The following ATP8A2 variants were observed in gnomAD, a reference collection of about 807,000 sequenced individuals.
ATP8A2 encodes phospholipid-transporting ATPase IB.
Under a neutral mutation model 165.6 loss-of-function variants are expected in ATP8A2, and 100 were observed. That is an observed-to-expected ratio of 0.60 (90% CI 0.51 to 0.71). The LOEUF (loss-of-function observed/expected upper bound fraction) is 0.71, where lower values mean the gene tolerates loss of function less well. Ranked by LOEUF, ATP8A2 falls within the 30% of genes least tolerant of loss-of-function variation. The pLI is 0.00. For missense variants in ATP8A2, 1,227 were observed against 1,479.5 expected (o/e 0.83, Z 2.80); for synonymous variants, 543 against 548.8 (o/e 0.99, Z 0.15).
chr13:25,680,672 T>A (rs1328539309), intron 24 of ATP8A2, among the ~76,000 whole-genome samples: 1 of 152,164 alleles, frequency 6.6e-6, no homozygotes, highest in East Asian at 1.9e-4. Context: ...TCTGGAGTGT[T>A]CTGTAGCCTT....
At chr13:25,677,597 T>G (rs2042397640) in intron 24 of ATP8A2, among the ~76,000 whole-genome samples, 1 of 152,164 alleles carries the variant, frequency 6.6e-6, no homozygotes, top group African/African-American at 2.4e-5. Context: ...TGGGATAATG[T>G]GTGAACATGA....
intron 1 of ATP8A2, among the ~76,000 whole-genome samples, chr13:25,451,423 C>T (rs2035221967): frequency 6.6e-6 from 1 of 152,096 alleles, no homozygotes; most frequent in African/African-American, 2.4e-5. Flanking sequence ...CTTTTCTATC[C>T]TGCCTATTGT....
At chr13:25,942,075 T>C (rs1323272383) in intron 33 of ATP8A2, among the ~76,000 whole-genome samples, 1 of 152,216 alleles carries the variant, frequency 6.6e-6, no homozygotes, top group East Asian at 1.9e-4. Flanking sequence ...TATGTACTCT[T>C]CCTCAACACT....
At chr13:25,716,808 A>T (rs2043265053) in intron 25 of ATP8A2, among the ~76,000 whole-genome samples, 1 of 152,198 alleles carries the variant, frequency 6.6e-6, no homozygotes, top group Non-Finnish European at 1.5e-5. Flanking sequence ...GGCACTGAGG[A>T]TGAGGGATAC....
chr13:25,605,728 T>C (rs976937768), intron 24 of ATP8A2, among the ~76,000 whole-genome samples: 3 of 152,202 alleles, frequency 2.0e-5, no homozygotes, highest in Non-Finnish European at 2.9e-5. Context: ...CAGCTCGGTT[T>C]TAGAGAACTA....
rs117587352 is a variant in ATP8A2, at chr13:25,548,899, A to G, written c.892-2439A>G. Among the ~76,000 whole-genome samples the G allele has an allele frequency of 8.2e-3, 1,256 of 152,362 alleles. 7 individuals carry two copies. The highest frequency in any genetic ancestry group is 0.011 in the South Asian group (55 of 4,830). Reference sequence around the variant, plus strand: ...TTGGTTTGCCAATAGAATTCAAATAACAATTTCAGTGATGTGGTATAAATT... The same window carrying G: ...TTGGTTTGCCAATAGAATTCAAATAGCAATTTCAGTGATGTGGTATAAATT... On this transcript the variant is annotated intron_variant, in intron 10 of 36. Transcript: ENST00000381655.
chr13:25,456,515 A>G (rs1388631157), intron 1 of ATP8A2, among the ~76,000 whole-genome samples: 1 of 152,196 alleles, frequency 6.6e-6, no homozygotes, highest in Non-Finnish European at 1.5e-5. Flanking sequence ...CCCTATGCAT[A>G]GAGGAGGGGG....
At position 25,657,052 on chromosome 13, in the gene ATP8A2, CAAAAAAAAAAAAAAAA is replaced by C. The variant is rs57955107; in HGVS notation, c.2212-42107_2212-42092del. ...TGGGTGACAGATCGAGACTCTGTCT[CAAAAAAAAAAAAAAAA>C]AAAAAAAAAAAAAGACAGATAGTTT... On this transcript the variant is annotated intron_variant, in intron 24 of 36. Coordinates refer to ENST00000381655, the MANE Select transcript of ATP8A2 (RefSeq NM_016529.6). Among the ~76,000 whole-genome samples the C allele has an allele frequency of 8.3e-4, 56 of 67,732 alleles. 2 individuals carry two copies. In the South Asian group the frequency reaches 0.047, roughly 57 times the overall value. The allele number at this position is 67,732 out of a possible 152,430, so 44.4% of individuals were successfully genotyped here. A position where few individuals can be genotyped will look rare whatever the true frequency, so the allele number is the denominator to read the frequency against.
At chr13:25,691,571 A>G (rs2042726638) in intron 24 of ATP8A2, among the ~76,000 whole-genome samples, 1 of 152,240 alleles carries the variant, frequency 6.6e-6, no homozygotes, top group African/African-American at 2.4e-5. Context: ...CCAGACTGGC[A>G]CCTGGGTGCT....
intron 1 of ATP8A2, among the ~76,000 whole-genome samples, chr13:25,388,133 T>C (rs1413632336): frequency 1.3e-5 from 2 of 151,922 alleles, no homozygotes; most frequent in Non-Finnish European, 2.9e-5. Context: ...GGTTGAGATA[T>C]TGTTGTGTTA....
At chr13:25,987,880 G>T (rs1301642197) in intron 35 of ATP8A2, among the ~76,000 whole-genome samples, 1 of 152,176 alleles carries the variant, frequency 6.6e-6, no homozygotes, top group Non-Finnish European at 1.5e-5. Context: ...GGCCTCCCTT[G>T]AAAAATGGCT....
intron 24 of ATP8A2, among the ~76,000 whole-genome samples, chr13:25,666,145 G>A (rs1335597086): frequency 6.6e-6 from 1 of 151,740 alleles, no homozygotes; most frequent in Admixed American, 6.6e-5. Flanking sequence ...GGTGTTTCTT[G>A]GAACATTTTA....
intron 24 of ATP8A2, among the ~76,000 whole-genome samples, chr13:25,621,750 A>G (rs2137459110): frequency 6.6e-6 from 1 of 152,304 alleles, no homozygotes; most frequent in South Asian, 2.1e-4. Flanking sequence ...ATTGTAGAGG[A>G]AACAAATTTG....
At chr13:25,601,331 A>G (rs941057021) in intron 24 of ATP8A2, among the ~76,000 whole-genome samples, 2 of 152,266 alleles carry the variant, frequency 1.3e-5, no homozygotes, top group Non-Finnish European at 2.9e-5. Flanking sequence ...TATAATATGC[A>G]TAGGCATAAT....
chr13:25,871,016 C>A (rs941912024), intron 33 of ATP8A2, among the ~76,000 whole-genome samples: 13 of 152,054 alleles, frequency 8.5e-5, no homozygotes, highest in African/African-American at 3.1e-4. Flanking sequence ...CCCCCGTATA[C>A]AATTTCCTCC....
At chr13:25,956,043 A>G (rs1159964209) in intron 33 of ATP8A2, among the ~76,000 whole-genome samples, 2 of 152,214 alleles carry the variant, frequency 1.3e-5, no homozygotes, top group Non-Finnish European at 2.9e-5. Flanking sequence ...ATCTCACTAG[A>G]TGCAGAAAAG....
intron 24 of ATP8A2, among the ~76,000 whole-genome samples, chr13:25,601,937 C>G (rs991813574): frequency 6.6e-6 from 1 of 152,198 alleles, no homozygotes; most frequent in Non-Finnish European, 1.5e-5. Context: ...ACCCTCTTAG[C>G]AACTCTGTAA....
intron 23 of ATP8A2, among the ~76,000 whole-genome samples, chr13:25,587,739 G>T (rs2039963543): frequency 6.6e-6 from 1 of 152,172 alleles, no homozygotes; most frequent in Non-Finnish European, 1.5e-5. Flanking sequence ...CAAGTGAAAA[G>T]AAAATGTAGA....
chr13:25,908,491 G>A (rs906226071), intron 33 of ATP8A2, among the ~76,000 whole-genome samples: 41 of 152,332 alleles, frequency 2.7e-4, no homozygotes, highest in African/African-American at 9.9e-4. Flanking sequence ...GAATAGACCA[G>A]GGTGTCCACA....
Sources: allele counts gnomAD v4.1 joint callset (sites outside exome capture counted in the v4.1 genomes callset), GRCh38; gene constraint gnomAD v4.1.1; transcripts MANE v1.5; gene names NCBI Gene and HGNC (gene_info 2026-07-23, HGNC 2026-07-21).